The following PPP1R9A variants were observed in gnomAD, a reference collection of about 807,000 sequenced individuals.
PPP1R9A encodes the protein neurabin-1.
In PPP1R9A, 59 loss-of-function variants were observed where a neutral mutation model predicts 141.9. The observed-to-expected ratio is 0.42, with a 90% confidence interval of 0.34 to 0.52. The LOEUF (loss-of-function observed/expected upper bound fraction) is 0.52, where lower values mean the gene tolerates loss of function less well. Among genes scored for constraint, PPP1R9A ranks in the 20% least tolerant of loss-of-function variants. The pLI is 0.10. For synonymous variants in PPP1R9A, 500 were observed against 569.7 expected (o/e 0.88, Z 1.74); for missense variants, 1,444 against 1,611.9 (o/e 0.90, Z 1.78).
intron 2 of PPP1R9A, among the ~76,000 whole-genome samples, chr7:95,010,467 A>G (rs1403946193): frequency 2.0e-5 from 3 of 151,986 alleles, no homozygotes; most frequent in East Asian, 1.9e-4. Flanking sequence ...CGGAACTTCT[A>G]TTTTTCTTTA....
At chr7:95,277,635 C>T (rs2153066089) in intron 16 of PPP1R9A, among the ~76,000 whole-genome samples, 1 of 152,250 alleles carries the variant, frequency 6.6e-6, no homozygotes, top group East Asian at 1.9e-4. Flanking sequence ...CTATGTTGCC[C>T]AGGCTGTTGT....
At chr7:95,258,599 G>A (rs1799960432) in intron 12 of PPP1R9A, among the ~76,000 whole-genome samples, 2 of 152,128 alleles carry the variant, frequency 1.3e-5, no homozygotes, top group Non-Finnish European at 2.9e-5. Flanking sequence ...GAGGGTATTT[G>A]TAGCACGTAT....
chr7:95,180,245 G>A (rs373301922), intron 5 of PPP1R9A, among the ~76,000 whole-genome samples: 275 of 152,090 alleles, frequency 1.8e-3, no homozygotes, highest in African/African-American at 6.0e-3. Flanking sequence ...ACTGATTTTC[G>A]ACAAAGCAAA....
chr7:95,006,191 A>AATTTATTT (rs1167090032), intron 2 of PPP1R9A, among the ~76,000 whole-genome samples: 1 of 144,790 alleles, frequency 6.9e-6, no homozygotes, highest in African/African-American at 2.7e-5. Context: ...AGATCTTAAG[A>AATTTATTT]ACTTATTTAT....
At chr7:95,010,782 A>G (rs1056330293) in intron 2 of PPP1R9A, among the ~76,000 whole-genome samples, 1 of 152,126 alleles carries the variant, frequency 6.6e-6, no homozygotes, top group Non-Finnish European at 1.5e-5. Flanking sequence ...AATTATAACT[A>G]TTTGAACCAG....
chr7:95,223,432 A>T (rs1794720796), intron 7 of PPP1R9A, among the ~76,000 whole-genome samples: 2 of 152,062 alleles, frequency 1.3e-5, no homozygotes, highest in African/African-American at 2.4e-5. Context: ...CTGCCTTCTT[A>T]ACAAGTGACC....
chr7:95,227,681 T>C (rs1349325455), intron 8 of PPP1R9A, among the ~76,000 whole-genome samples: 1 of 152,172 alleles, frequency 6.6e-6, no homozygotes, highest in Admixed American at 6.6e-5. Flanking sequence ...TTCTGGCCCT[T>C]TACTGAAAAA....
chr7:95,087,063 AAGAG>A (rs948634289), intron 2 of PPP1R9A, among the ~76,000 whole-genome samples: 23 of 147,972 alleles, frequency 1.6e-4, no homozygotes, highest in East Asian at 3.9e-4. Context: ...AAAAAAAAGA[AAGAG>A]AGAGAGAAAG....
At chr7:95,015,217 AAT>A (rs139234228) in intron 2 of PPP1R9A, among the ~76,000 whole-genome samples, 1 of 149,570 alleles carries the variant, frequency 6.7e-6, no homozygotes, top group Non-Finnish European at 1.5e-5. Context: ...TACACACACG[AAT>A]ATATATATAC....
chr7:94,964,796 C>T (rs1360427932), intron 2 of PPP1R9A, among the ~76,000 whole-genome samples: 1 of 152,136 alleles, frequency 6.6e-6, no homozygotes, highest in Middle Eastern at 3.2e-3. Context: ...AATAAACATA[C>T]GTGTGCATGT....
At chr7:95,125,516 C>T (rs1454870747) in intron 4 of PPP1R9A, among the ~76,000 whole-genome samples, 1 of 152,118 alleles carries the variant, frequency 6.6e-6, no homozygotes, top group East Asian at 1.9e-4. Context: ...TAATGATTTT[C>T]CAGTCCTCAT....
intron 2 of PPP1R9A, among the ~76,000 whole-genome samples, chr7:94,960,734 C>G (rs565990705): frequency 1.1e-4 from 17 of 151,424 alleles, no homozygotes; most frequent in Non-Finnish European, 2.2e-4. Flanking sequence ...AGCAAAGGAG[C>G]CAAAATTTGA....
intron 2 of PPP1R9A, among the ~76,000 whole-genome samples, chr7:95,087,633 A>T (rs906993828): frequency 4.6e-5 from 7 of 152,054 alleles, no homozygotes; most frequent in African/African-American, 1.7e-4. Context: ...CCGCTGGCTC[A>T]CGCCTTTAAT....
chr7:95,053,561 C>T (rs533122390), intron 2 of PPP1R9A, among the ~76,000 whole-genome samples: 1 of 152,128 alleles, frequency 6.6e-6, no homozygotes, highest in Non-Finnish European at 1.5e-5. Context: ...AAAGCCTATT[C>T]GTAGATGTAA....
chr7:94,940,701 CT>C (rs1456340166), intron 2 of PPP1R9A, among the ~76,000 whole-genome samples: 1 of 151,930 alleles, frequency 6.6e-6, no homozygotes, highest in Admixed American at 6.6e-5. Flanking sequence ...AAAACTGCTT[CT>C]CTTGAAAGAC....
chr7:95,084,934 C>T (rs1417367082), intron 2 of PPP1R9A, among the ~76,000 whole-genome samples: 1 of 151,890 alleles, frequency 6.6e-6, no homozygotes, highest in Non-Finnish European at 1.5e-5. Flanking sequence ...TGTTGTGTGT[C>T]TCCATGTGAA....
intron 3 of PPP1R9A, 129 bp downstream of exon 3, chr7:95,111,520 T>A: frequency 1.0e-6 from 1 of 999,918 alleles, no homozygotes; most frequent in Non-Finnish European, 1.4e-6. Context: ...TCTTATTTAT[T>A]AAGTTTCAAA....
intron 2 of PPP1R9A, among the ~76,000 whole-genome samples, chr7:94,958,701 C>T (rs542098849): frequency 6.4e-4 from 97 of 152,054 alleles, no homozygotes; most frequent in African/African-American, 2.2e-3. Context: ...AGATTGTATT[C>T]GCTCTCTTGT....
intron 2 of PPP1R9A, among the ~76,000 whole-genome samples, chr7:94,968,486 T>C (rs1234200211): frequency 6.6e-6 from 1 of 152,164 alleles, no homozygotes; most frequent in African/African-American, 2.4e-5. Flanking sequence ...TGGTTTAAAG[T>C]CTGTTTTATC....
Sources: gnomAD v4.1 joint callset for allele counts (sites outside exome capture counted in the v4.1 genomes callset) on GRCh38, gnomAD v4.1.1 for gene constraint, MANE v1.5 for transcripts, NCBI Gene and HGNC (gene_info 2026-07-23, HGNC 2026-07-21) for gene names.